Variants in CENPI observed in about 807,000 individuals in gnomAD.
CENPI encodes the protein centromere protein I, also known as FSH primary response 1.
Under a neutral mutation model 60.4 loss-of-function variants are expected in CENPI, and 4 were observed. The ratio of observed to expected loss-of-function variants is 0.07; its 90% CI spans 0.03 to 0.15. CENPI has a LOEUF of 0.15. Among genes scored for constraint, CENPI ranks in the 10% least tolerant of loss-of-function variants. The probability of loss-of-function intolerance (pLI) is 1.00; values close to 1 mark genes in which losing one functional copy is unlikely to be tolerated. For synonymous variants in CENPI, 157 were observed against 189.4 expected, an observed-to-expected ratio of 0.83 and a Z score of 1.40; for missense variants, 444 against 534.5, an observed-to-expected ratio of 0.83 and a Z score of 1.67.
At chrX:101,145,710 A>G (rs2089956118) in intron 17 of CENPI, among the ~76,000 whole-genome samples, 1 of 108,439 alleles carries the variant, frequency 9.2e-6, no homozygotes, top group Non-Finnish European at 1.9e-5. Flanking sequence ...ATTTAATATT[A>G]TCCATGAAGT....
chrX:101,101,372 T>A (rs2089414751), intron 3 of CENPI, 76 bp downstream of exon 3: 4 of 767,578 alleles, frequency 5.2e-6, no homozygotes, highest in Non-Finnish European at 5.7e-6. Context: ...TAAGAATTTT[T>A]AAAGGAAAGC....
chrX:101,176,204 A>G, the CENPI span, among the ~76,000 whole-genome samples: 1 of 112,026 alleles, frequency 8.9e-6, no homozygotes, highest in African/African-American at 3.2e-5. Context: ...ATAGGCACTT[A>G]GGTTTATTCC....
intron 20 of CENPI, 46 bp from the exon 21 acceptor site, chrX:101,161,482 C>G: frequency 8.7e-7 from 1 of 1,148,556 alleles, no homozygotes; most frequent in African/African-American, 1.8e-5. Flanking sequence ...CTCCCCACTT[C>G]TTTTTTGTTT....
chrX:101,131,088 C>G (rs1270791490), intron 13 of CENPI, among the ~76,000 whole-genome samples: 1 of 111,245 alleles, frequency 9.0e-6, no homozygotes, highest in East Asian at 2.8e-4. Context: ...CTCCTGGGCT[C>G]AATTGATCCT....
downstream of CENPI, among the ~76,000 whole-genome samples, chrX:101,167,936 G>A (rs986229993): frequency 1.5e-4 from 17 of 111,785 alleles, no homozygotes; most frequent in Non-Finnish European, 2.6e-4. Flanking sequence ...CCAAGGGAGG[G>A]GGTCAGGGCA....
chrX:101,126,570 G>C, intron 8 of CENPI, 139 bp from the exon 9 acceptor site: 3 of 488,864 alleles, frequency 6.1e-6, no homozygotes, highest in East Asian at 6.8e-5. Flanking sequence ...CTCATTCCTT[G>C]ATTTTTGATA....
chrX:101,135,669 A>G (rs890426784), intron 15 of CENPI, among the ~76,000 whole-genome samples: 3 of 111,368 alleles, frequency 2.7e-5, no homozygotes, highest in African/African-American at 6.5e-5. Context: ...TCTTAAGGCA[A>G]TTTTTTTCCA....
At chrX:101,154,782 C>A (rs1341879891) in intron 20 of CENPI, among the ~76,000 whole-genome samples, 1 of 111,057 alleles carries the variant, frequency 9.0e-6, no homozygotes, top group Non-Finnish European at 1.9e-5. Context: ...TTTTATACTT[C>A]TTTGGCTAAA....
rs1197345665 is a variant in CENPI at position 101,102,712 on chromosome X, C to G, written c.364+301C>G. Among the ~76,000 whole-genome samples, 6 of 107,990 alleles carry G rather than the reference C, an allele frequency of 5.6e-5. 1 individual carries two copies. The highest frequency in any genetic ancestry group is 5.1e-4 in the Admixed American group (5 of 9,879). The allele number at this position is 107,990 out of a possible 115,157, so 93.8% of individuals were successfully genotyped here. On this transcript the variant is annotated intron_variant, in intron 4 of 21. Coordinates refer to ENST00000682095, the MANE Select transcript of CENPI (RefSeq NM_001386188.2). ...TTTTTTGTTTTGAGATGGAGTCTTGCTCTGTCACCCAGGCTGTAGTGCAGT... is the reference window on the plus strand; with the variant it reads ...TTTTTTGTTTTGAGATGGAGTCTTGGTCTGTCACCCAGGCTGTAGTGCAGT...
intron 15 of CENPI, among the ~76,000 whole-genome samples, chrX:101,138,943 C>CTTT (rs757166491): frequency 1.1e-5 from 1 of 90,720 alleles, no homozygotes; most frequent in African/African-American, 4.0e-5. Context: ...TTGTTTTCTA[C>CTTT]TTTTTTTTTT....
intron 20 of CENPI, among the ~76,000 whole-genome samples, chrX:101,156,390 C>T (rs186441009): frequency 8.9e-6 from 1 of 111,781 alleles, no homozygotes; most frequent in Non-Finnish European, 1.9e-5. Flanking sequence ...AGGTTAGGCA[C>T]CATTATTCCC....
At chrX:101,146,426 T>C (rs925107447) in intron 18 of CENPI, 149 bp downstream of exon 18, 4 of 505,114 alleles carry the variant, frequency 7.9e-6, no homozygotes, top group African/African-American at 4.7e-5. Context: ...GACCTTCCGA[T>C]ATGGGGCCAT....
chrX:101,126,987 G>T, intron 9 of CENPI, 151 bp from the exon 10 acceptor site: 1 of 580,709 alleles, frequency 1.7e-6, no homozygotes, highest in Admixed American at 4.2e-5. Context: ...ATATTTAATA[G>T]ATTACTAATC....
In CENPI at chrX:101,104,495, C is replaced by T. The variant is rs190752811; in HGVS notation, c.364+2084C>T. ...AAGAGGCTCAGAGTAGTTAAAGAGA[C>T]TTGCTTAAAGATGTCCAAACTCCCA... On this transcript the variant is annotated intron_variant, in intron 4 of 21. Transcript: ENST00000682095. Among the ~76,000 whole-genome samples the T allele has an allele frequency of 8.1e-5, 9 of 111,496 alleles. No individual in the cohort carries two copies. In the East Asian group the frequency reaches 2.5e-3, roughly 31 times the overall value.
chrX:101,144,795 T>C (rs1448343712), intron 16 of CENPI, among the ~76,000 whole-genome samples: 1 of 111,626 alleles, frequency 9.0e-6, no homozygotes, highest in East Asian at 2.8e-4. Flanking sequence ...TCATATCTGC[T>C]TGGAGCTTAA....
chrX:101,162,473 A>AATATATATATATATATATAT (rs1556409815), intron 21 of CENPI, among the ~76,000 whole-genome samples: 4 of 68,110 alleles, frequency 5.9e-5, no homozygotes, highest in African/African-American at 2.8e-4. Context: ...AAAAAAAAAA[A>AATATATATATATATATATAT]ATATATATAT....
intron 6 of CENPI, among the ~76,000 whole-genome samples, chrX:101,118,651 G>C (rs751179305): frequency 8.9e-6 from 1 of 111,852 alleles, no homozygotes; most frequent in South Asian, 3.7e-4. Context: ...ATTGTAAAAT[G>C]ATTAAAATAT....
intron 15 of CENPI, among the ~76,000 whole-genome samples, chrX:101,137,280 T>C (rs768591168): frequency 8.9e-6 from 1 of 112,240 alleles, no homozygotes; most frequent in African/African-American, 3.2e-5. Context: ...CTTCATGATA[T>C]AGATTTTTTT....
In CENPI at chrX:101,148,066, A is replaced by G. The variant is rs747691264; in HGVS notation, c.1999A>G (p.Ile667Val). Residue 667 changes from isoleucine to valine, a missense_variant, in exon 20 of 22, where the codon ATC becomes GTC. Transcript: ENST00000682095. ...FGKGIYIDPE[I>V]LEKTGVAEYK... is the part of the protein sequence containing the mutation. ...GAAAGGAATATATATTGACCCTGAA[A>G]TCCTAGAAAAAACTGGAGTGGCTGA... The G allele has an allele frequency of 8.5e-7, 1 of 1,179,110 alleles. No individual in the cohort carries two copies.
Sources: allele counts gnomAD v4.1 joint callset (sites outside exome capture counted in the v4.1 genomes callset), GRCh38; gene constraint gnomAD v4.1.1; transcripts MANE v1.5; gene names NCBI Gene and HGNC (gene_info 2026-07-23, HGNC 2026-07-21).